The following STEAP1B variants were observed in gnomAD, a reference collection of about 807,000 sequenced individuals.
The protein encoded by STEAP1B is STEAP family protein MGC87042.
A neutral mutation model predicts 27.9 loss-of-function variants in STEAP1B; 13 were observed. That is an observed-to-expected ratio of 0.47 (90% CI 0.30 to 0.74). The LOEUF (loss-of-function observed/expected upper bound fraction) is 0.74. Ranked by LOEUF, STEAP1B falls within the 30% of genes least tolerant of loss-of-function variation. The pLI is 0.06. For missense variants in STEAP1B, 250 were observed against 298.7 expected (o/e 0.84, Z 1.20); for synonymous variants, 86 against 107.1 (o/e 0.80, Z 1.22).
intron 1 of STEAP1B, among the ~76,000 whole-genome samples, chr7:22,497,270 T>C (rs1786458376): frequency 6.6e-6 from 1 of 152,222 alleles, no homozygotes; most frequent in Non-Finnish European, 1.5e-5. Flanking sequence ...TTTGTTAAGA[T>C]AGCACAGTAT....
chr7:22,497,824 A>T (rs10279059), intron 1 of STEAP1B, among the ~76,000 whole-genome samples: 16,140 of 152,164 alleles, frequency 0.11, 1,042 homozygotes, highest in African/African-American at 0.17. Context: ...GAGGCCTCAG[A>T]GGGCTTATAG....
intron 4 of STEAP1B, among the ~76,000 whole-genome samples, chr7:22,472,202 G>T (rs376050739): frequency 8.5e-5 from 13 of 152,304 alleles, no homozygotes; most frequent in African/African-American, 3.1e-4. Flanking sequence ...AGCCTGAGAA[G>T]AGCACACCTA....
chr7:22,449,065 G>C (rs1266120013), intron 4 of STEAP1B, among the ~76,000 whole-genome samples: 2 of 152,110 alleles, frequency 1.3e-5, no homozygotes, highest in African/African-American at 4.8e-5. Flanking sequence ...TTTTGATATA[G>C]GTATGCAACA....
intron 4 of STEAP1B, among the ~76,000 whole-genome samples, chr7:22,481,882 C>T (rs1786080768): frequency 1.3e-5 from 2 of 152,160 alleles, no homozygotes; most frequent in South Asian, 4.1e-4. Flanking sequence ...TCCTGTAATC[C>T]TTGAGGGTGG....
Position 22,494,800 on chromosome 7 carries a change from C to G in STEAP1B, c.56G>C (p.Arg19Thr), listed in dbSNP as rs1487179029. ...ATAATCGTTGTCTTCTAAATTTCTC[C>G]TAGGCTTCATTTTCCAAATTTCTTC... ...NQEEIWKMKP[R>T]RNLEDNDYLH... The change falls in exon 2 of 5, where the codon AGG (arginine) becomes ACG (threonine). Residue 19 changes from arginine (R) to threonine (T), a missense_variant. Transcript: ENST00000678116. The G allele has an allele frequency of 6.3e-7, 1 of 1,582,076 alleles. No individual in the cohort carries two copies. Among genetic ancestry groups the G allele is most frequent in the African/African-American group, 1.4e-5 (1 of 73,560 alleles).
chr7:22,496,536 A>T (rs1786444651), intron 1 of STEAP1B, among the ~76,000 whole-genome samples: 1 of 152,174 alleles, frequency 6.6e-6, no homozygotes, highest in Non-Finnish European at 1.5e-5. Context: ...GTCCTGTACA[A>T]ATATACAATT....
chr7:22,428,381 G>A (rs940047923), intron 4 of STEAP1B, among the ~76,000 whole-genome samples: 2 of 152,080 alleles, frequency 1.3e-5, no homozygotes, highest in South Asian at 2.1e-4. Context: ...AAATGAATTC[G>A]ATCAATGGTT....
chr7:22,435,262 C>T (rs140793744), intron 4 of STEAP1B, among the ~76,000 whole-genome samples: 1 of 152,056 alleles, frequency 6.6e-6, no homozygotes, highest in Non-Finnish European at 1.5e-5. Context: ...TGGAAGAAAA[C>T]GAGCCTGTTA....
intron 1 of STEAP1B, among the ~76,000 whole-genome samples, chr7:22,497,646 T>C (rs966817347): frequency 3.3e-5 from 5 of 152,242 alleles, no homozygotes; most frequent in Non-Finnish European, 7.3e-5. Flanking sequence ...TCTATCTCCT[T>C]AACAGCATTA....
chr7:22,491,966 G>C (rs1786330152), intron 4 of STEAP1B, among the ~76,000 whole-genome samples: 1 of 152,106 alleles, frequency 6.6e-6, no homozygotes, highest in African/African-American at 2.4e-5. Context: ...TAGTATTTCT[G>C]TTCAGCATCC....
chr7:22,493,840 C>A lies in STEAP1B; in HGVS notation c.85-4G>T, dbSNP rs1562586925. 1 of 1,572,010 alleles carries A rather than the reference C, an allele frequency of 6.4e-7. No homozygotes were observed. Among genetic ancestry groups the A allele is most frequent in the African/African-American group, 1.4e-5 (1 of 71,634 alleles). ...TGGTCTCTCCCGTGTCCTCATGCTACAAAGGAAAGAAAATTAACATCTTAA... is the reference window on the plus strand; with the variant it reads ...TGGTCTCTCCCGTGTCCTCATGCTAAAAAGGAAAGAAAATTAACATCTTAA... On this transcript the variant is annotated splice_polypyrimidine_tract_variant and splice_region_variant and intron_variant, in intron 2 of 4. Coordinates refer to ENST00000678116, the MANE Select transcript of STEAP1B (RefSeq NM_001382447.1).
chr7:22,496,058 G>A (rs940755682), intron 1 of STEAP1B, among the ~76,000 whole-genome samples: 2 of 152,154 alleles, frequency 1.3e-5, no homozygotes, highest in African/African-American at 4.8e-5. Context: ...GCCTGTTACT[G>A]CCCTTGAAGA....
intron 4 of STEAP1B, among the ~76,000 whole-genome samples, chr7:22,463,565 G>A (rs1785717104): frequency 6.6e-6 from 1 of 152,142 alleles, no homozygotes; most frequent in Admixed American, 6.5e-5. Flanking sequence ...ATACTACAAG[G>A]CTACGGTACC....
chr7:22,454,849 GTA>G lies in STEAP1B; in HGVS notation c.763-35015_763-35014del, dbSNP rs1345852147. On this transcript the variant is annotated intron_variant, in intron 4 of 4. Transcript: ENST00000678116. ...ATATTATATATATATATATATATAT[GTA>G]TATATATATATATATTTTTTTTTTT... is the stretch of plus-strand genomic sequence containing the variant. Among the ~76,000 whole-genome samples, 137 of 100,866 alleles carry G rather than the reference GTA, an allele frequency of 1.4e-3. 1 individual carries two copies. The highest frequency in any genetic ancestry group is 4.5e-3 in the African/African-American group (118 of 25,990). 66.2% of individuals were successfully genotyped at this position (100,866 alleles called of 152,430 possible). A position where few individuals can be genotyped will look rare whatever the true frequency, so the allele number is the denominator to read the frequency against.
chr7:22,426,779 T>C (rs117887153), intron 4 of STEAP1B, among the ~76,000 whole-genome samples: 4,670 of 152,256 alleles, frequency 0.031, 157 homozygotes, highest in East Asian at 0.11. Context: ...AAAGAGCTTA[T>C]ATTCCAACAG....
intron 4 of STEAP1B, among the ~76,000 whole-genome samples, chr7:22,440,009 A>T (rs1785308642): frequency 6.6e-6 from 1 of 152,190 alleles, no homozygotes; most frequent in African/African-American, 2.4e-5. Context: ...AAATCAGCCT[A>T]CGCCTTTTGA....
intron 4 of STEAP1B, among the ~76,000 whole-genome samples, chr7:22,487,621 G>C (rs12531116): frequency 2.0e-5 from 3 of 150,678 alleles, no homozygotes; most frequent in Non-Finnish European, 4.4e-5. Context: ...CCTGACCAAC[G>C]TGGAGAAACC....
intron 4 of STEAP1B, among the ~76,000 whole-genome samples, chr7:22,461,631 C>T (rs904907502): frequency 6.6e-6 from 1 of 152,168 alleles, no homozygotes; most frequent in South Asian, 2.1e-4. Context: ...AGTTACAGGT[C>T]ATTTTTCCGA....
At chr7:22,491,296 G>A (rs1441900375) in intron 4 of STEAP1B, among the ~76,000 whole-genome samples, 1 of 152,168 alleles carries the variant, frequency 6.6e-6, no homozygotes, top group East Asian at 1.9e-4. Context: ...TTTATTAAAT[G>A]CAAGCTATGT....
Sources: gnomAD v4.1 joint callset for allele counts (sites outside exome capture counted in the v4.1 genomes callset) on GRCh38, gnomAD v4.1.1 for gene constraint, MANE v1.5 for transcripts, NCBI Gene and HGNC (gene_info 2026-07-23, HGNC 2026-07-21) for gene names.